APBB2: variants seen among roughly 807,000 people sequenced by gnomAD.
APBB2 encodes the protein Fe65-like 1.
Under a neutral mutation model 82.5 loss-of-function variants are expected in APBB2, and 38 were observed. The observed-to-expected ratio is 0.46, with a 90% CI of 0.36 to 0.60. The LOEUF is 0.60. Among genes scored for constraint, APBB2 ranks in the 20% least tolerant of loss-of-function variants. The probability of loss-of-function intolerance (pLI) is 0.00; values close to 1 mark genes in which losing one functional copy is unlikely to be tolerated. For missense variants in APBB2, 772 were observed against 972.3 expected (o/e 0.79, Z 2.74); for synonymous variants, 341 against 368.2 (o/e 0.93, Z 0.85).
At chr4:41,163,701 C>T (rs1237144744) in intron 1 of APBB2, among the ~76,000 whole-genome samples, 1 of 152,222 alleles carries the variant, frequency 6.6e-6, no homozygotes, top group African/African-American at 2.4e-5. Context: ...GACCAATCCA[C>T]TTTCTTCAAT....
At chr4:41,034,142 A>C (rs192683762) in intron 4 of APBB2, among the ~76,000 whole-genome samples, 5 of 152,358 alleles carry the variant, frequency 3.3e-5, no homozygotes, top group Admixed American at 2.6e-4. Flanking sequence ...CACTTCTGAT[A>C]ATTTGTTTCA....
At chr4:41,082,696 T>C (rs888666111) in intron 3 of APBB2, among the ~76,000 whole-genome samples, 9 of 151,968 alleles carry the variant, frequency 5.9e-5, no homozygotes, top group Non-Finnish European at 1.3e-4. Context: ...AAAGTTATAT[T>C]TCATAAAACA....
At chr4:41,173,948 G>T (rs188380441) in intron 1 of APBB2, among the ~76,000 whole-genome samples, 1 of 151,662 alleles carries the variant, frequency 6.6e-6, no homozygotes, top group East Asian at 1.9e-4. Flanking sequence ...AGATGGAGAA[G>T]AACATGATTA....
chr4:40,913,692 G>GT (rs1779136832), intron 10 of APBB2, among the ~76,000 whole-genome samples: 1 of 152,136 alleles, frequency 6.6e-6, no homozygotes, highest in Non-Finnish European at 1.5e-5. Context: ...CCCCTATCTT[G>GT]TTTCAGTTCT....
intron 12 of APBB2, among the ~76,000 whole-genome samples, chr4:40,831,202 A>AGCCT (rs1367937454): frequency 6.6e-6 from 1 of 152,176 alleles, no homozygotes; most frequent in Non-Finnish European, 1.5e-5. Flanking sequence ...GTTGGAGACC[A>AGCCT]GCCTGGCCAA....
chr4:40,992,287 C>T (rs1802330969), intron 6 of APBB2, among the ~76,000 whole-genome samples: 1 of 151,368 alleles, frequency 6.6e-6, no homozygotes, highest in South Asian at 2.1e-4. Context: ...CCTCAGCCTC[C>T]CGAGTAGCTG....
chr4:40,865,446 T>G (rs1018747622), intron 12 of APBB2, among the ~76,000 whole-genome samples: 2 of 152,198 alleles, frequency 1.3e-5, no homozygotes, highest in African/African-American at 4.8e-5. Flanking sequence ...CAAGAGAAGT[T>G]CTTTAAAAAT....
At chr4:41,120,475 C>T (rs886436578) in intron 2 of APBB2, among the ~76,000 whole-genome samples, 1 of 152,180 alleles carries the variant, frequency 6.6e-6, no homozygotes, top group Non-Finnish European at 1.5e-5. Flanking sequence ...GACCTCGTTC[C>T]AGTGCTTCAA....
At chr4:40,954,996 CAGA>C (rs1791220098) in intron 6 of APBB2, among the ~76,000 whole-genome samples, 1 of 152,014 alleles carries the variant, frequency 6.6e-6, no homozygotes, top group Non-Finnish European at 1.5e-5. Flanking sequence ...CTGGGCTCCA[CAGA>C]AGAAGAAATG....
intron 12 of APBB2, among the ~76,000 whole-genome samples, chr4:40,885,470 T>C (rs1206616153): frequency 1.3e-5 from 2 of 152,200 alleles, no homozygotes; most frequent in African/African-American, 2.4e-5. Context: ...AAATTACCTG[T>C]TGTGACTGTC....
rs1395076534 is a variant in APBB2 at position 41,181,190 on chromosome 4, C to T, written c.-417+33215G>A. 2.0e-5 allele frequency among the ~76,000 whole-genome samples: 3 copies of T among 152,164 alleles called. No homozygotes were observed. In the East Asian group the frequency reaches 5.8e-4, roughly 29 times the overall value. The stretch of plus-strand genomic sequence containing the variant: ...TCACCCACATTCAATTCCAAGCAGG[C>T]ACAGAGTTTTTCCTAAACTGTTTCA... On this transcript the variant is annotated intron_variant, in intron 1 of 17. Transcript: ENST00000508593.
At chr4:41,043,505 T>C (rs1722284768) in intron 4 of APBB2, among the ~76,000 whole-genome samples, 1 of 152,238 alleles carries the variant, frequency 6.6e-6, no homozygotes, top group Non-Finnish European at 1.5e-5. Flanking sequence ...TGTCATTCTT[T>C]CATAAAAATA....
In APBB2 at chr4:41,160,027, A is replaced by AAGAAGG. The variant is rs1560914505; in HGVS notation, c.-416-16886_-416-16885insCCTTCT. 2.7e-5 allele frequency among the ~76,000 whole-genome samples: 4 copies of AAGAAGG among 147,352 alleles called. No individual in the cohort carries two copies. In the East Asian group the frequency reaches 7.9e-4, roughly 29 times the overall value. On this transcript the variant is annotated intron_variant, in intron 1 of 17. Coordinates refer to ENST00000508593, the MANE Select transcript of APBB2 (RefSeq NM_004307.2). ...GAAGAAGAAGAAGAAGAAGAAGAAG[A>AAGAAGG]AGAAGAAGAAAACATCACAGGATGC...
At chr4:41,057,846 T>C (rs1472368394) in intron 4 of APBB2, among the ~76,000 whole-genome samples, 1 of 152,212 alleles carries the variant, frequency 6.6e-6, no homozygotes, top group Admixed American at 6.5e-5. Context: ...TTCCCAAGTC[T>C]GGCTGGGGCA....
At chr4:41,176,782 T>C (rs536056347) in intron 1 of APBB2, among the ~76,000 whole-genome samples, 3 of 152,228 alleles carry the variant, frequency 2.0e-5, no homozygotes, top group East Asian at 3.9e-4. Flanking sequence ...GCTTATTTCA[T>C]AAAGCATTTT....
intron 12 of APBB2, among the ~76,000 whole-genome samples, chr4:40,834,112 CT>C (rs11353477): frequency 0.6 from 90,274 of 150,212 alleles, 27,982 homozygotes; most frequent in African/African-American, 0.67. Flanking sequence ...GGAATTCTCA[CT>C]TTTTTTTTTT....
At chr4:40,823,905 T>C in intron 15 of APBB2, 146 bp from the exon 16 acceptor site, 2 of 611,428 alleles carry the variant, frequency 3.3e-6, no homozygotes, top group Non-Finnish European at 2.9e-6. Flanking sequence ...TCAACAGGAA[T>C]GAAATACCAG....
At position 41,204,569 on chromosome 4, in the gene APBB2, C is replaced by T. The variant is rs114616366; in HGVS notation, c.-417+9836G>A. Among the ~76,000 whole-genome samples the T allele has an allele frequency of 9.8e-3, 1,487 of 152,280 alleles. 26 individuals are homozygous for T. Among genetic ancestry groups the T allele is most frequent in the African/African-American group, 0.035 (1,438 of 41,554 alleles). ...CCCACACCCAAGCAGGATAAGTGCT[C>T]GTCTGGGAAGCACTGAGTATTTCTC... On this transcript the variant is annotated intron_variant, in intron 1 of 17. Transcript: ENST00000508593.
At chr4:40,951,556 A>T (rs1465817470) in intron 6 of APBB2, among the ~76,000 whole-genome samples, 1 of 152,264 alleles carries the variant, frequency 6.6e-6, no homozygotes, top group Non-Finnish European at 1.5e-5. Flanking sequence ...TCAATGCGGT[A>T]GGGACCTTCG....
Sources: allele counts gnomAD v4.1 joint callset (sites outside exome capture counted in the v4.1 genomes callset), GRCh38; gene constraint gnomAD v4.1.1; transcripts MANE v1.5; gene names NCBI Gene and HGNC (gene_info 2026-07-23, HGNC 2026-07-21).